LRCH3: variants seen among roughly 807,000 people sequenced by gnomAD.
The protein encoded by LRCH3 is leucine rich repeats and calponin homology domain containing 3.
A neutral mutation model predicts 104.5 loss-of-function variants in LRCH3; 68 were observed. That is an observed-to-expected ratio of 0.65 (90% CI 0.54 to 0.80). The LOEUF is 0.80. Ranked by LOEUF, LRCH3 falls within the 30% of genes least tolerant of loss-of-function variation. The pLI is 0.00. For missense variants in LRCH3, 951 were observed against 953.9 expected (o/e 1.00, Z 0.04); for synonymous variants, 344 against 361.3 (o/e 0.95, Z 0.54).
chr3:197,870,883 A>C (rs1712094222), intron 18 of LRCH3, among the ~76,000 whole-genome samples: 1 of 152,244 alleles, frequency 6.6e-6, no homozygotes, highest in Non-Finnish European at 1.5e-5. Flanking sequence ...TTAGAAAATG[A>C]GATAGATGGC....
At chr3:197,840,683 G>A (rs954148302) in intron 10 of LRCH3, among the ~76,000 whole-genome samples, 2 of 152,036 alleles carry the variant, frequency 1.3e-5, no homozygotes, top group Non-Finnish European at 2.9e-5. Flanking sequence ...AAGGTAACTC[G>A]GGGGACTGAG....
chr3:197,834,819 C>T (rs77569352), intron 8 of LRCH3, among the ~76,000 whole-genome samples: 2 of 152,284 alleles, frequency 1.3e-5, no homozygotes, highest in African/African-American at 4.8e-5. Flanking sequence ...TTTCTGGAGC[C>T]TATTTTTGTG....
chr3:197,837,797 A>G (rs767531822), intron 9 of LRCH3, among the ~76,000 whole-genome samples: 136 of 152,144 alleles, frequency 8.9e-4, no homozygotes, highest in Non-Finnish European at 1.7e-3. Context: ...CTGTAATCCC[A>G]GCACTGTGGG....
chr3:197,858,922 T>G lies in LRCH3; in HGVS notation c.1716+17T>G, dbSNP rs773892986. ...CCTCTTAAGGTATCTCTTGTTATTG[T>G]AATTCACCAGGAAGTTTGGGGAGGA... On this transcript the variant is annotated intron_variant, in intron 15 of 20. Coordinates refer to ENST00000425562, the MANE Select transcript of LRCH3 (RefSeq NM_001365715.1). 8.7e-5 allele frequency: 139 copies of G among 1,605,966 alleles called. 1 individual carries two copies. Among genetic ancestry groups the G allele is most frequent in the Non-Finnish European group, 1.2e-4 (136 of 1,172,668 alleles).
Position 197,829,643 on chromosome 3 carries a change from A to C in LRCH3, c.857A>C (p.Tyr286Ser). The change falls in exon 6 of 21, where the codon TAT becomes TCT. Residue 286 changes from tyrosine to serine, a missense_variant. Coordinates refer to ENST00000425562, the MANE Select transcript of LRCH3 (RefSeq NM_001365715.1). ...ACKIAPDLPD[Y>S]DRRPLGFGSC... ...AAGATTGCTCCAGATCTGCCGGATT[A>C]TGATAGGAGACCGTTGGGTTTTGGC... The C allele has an allele frequency of 6.2e-7, 1 of 1,613,300 alleles. No homozygotes were observed.
chr3:197,888,094 G>A lies in LRCH3; in HGVS notation c.*4428G>A, dbSNP rs986717895. Reference sequence around the variant, plus strand: ...CTCTTACTTTCTACAGCTCAGCAGTGACTAATGATGTGTGACTATGCGAAT... The same window carrying A: ...CTCTTACTTTCTACAGCTCAGCAGTAACTAATGATGTGTGACTATGCGAAT... On this transcript the variant is annotated 3_prime_UTR_variant, in exon 21 of 21. Transcript: ENST00000425562. 4 of 152,210 alleles carry A rather than the reference G, an allele frequency of 2.6e-5. No individual in the cohort carries two copies. The highest frequency in any genetic ancestry group is 6.5e-5 in the Admixed American group (1 of 15,286). 9.4% of individuals were successfully genotyped at this position (152,210 alleles called of 1,614,324 possible). A position where few individuals can be genotyped will look rare whatever the true frequency, so the allele number is the denominator to read the frequency against.
chr3:197,883,581 G>C lies in LRCH3; in HGVS notation c.2249G>C (p.Gly750Ala). ...CLPLHILEEK[G>A]LSQVAVTVQA... Reference sequence around the variant, plus strand: ...CCTCTCCACATTTTAGAAGAGAAAGGTTTGAGCCAGGTTGCAGTGACGGTC... The same window carrying C: ...CCTCTCCACATTTTAGAAGAGAAAGCTTTGAGCCAGGTTGCAGTGACGGTC... Residue 750 changes from glycine (G) to alanine (A), a missense_variant, in exon 21 of 21, where the codon GGT (glycine) becomes GCT (alanine). Transcript: ENST00000425562. The surrounding 1 kb of genome is among the most constrained non-coding windows in gnomAD (Gnocchi z 4.2). 6.5e-7 allele frequency: 1 copy of C among 1,536,058 alleles called. No individual in the cohort carries two copies. Among genetic ancestry groups the C allele is most frequent in the Non-Finnish European group, 8.7e-7 (1 of 1,146,890 alleles).
rs773620334 is a variant in LRCH3 at position 197,791,483 on chromosome 3, CTGAG to C, written c.206_209del (p.Leu69ArgfsTer12). 2 of 1,602,078 alleles carry C rather than the reference CTGAG, an allele frequency of 1.2e-6. No homozygotes were observed. On this transcript the variant is annotated frameshift_variant, in exon 1 of 21. Coordinates refer to ENST00000425562, the MANE Select transcript of LRCH3 (RefSeq NM_001365715.1). LOFTEE classifies it high-confidence loss of function. ...GGTGCTGAGCCTGAGCGGCCGGAAA[CTGAG>C]GGAGTTTCCCCGGGGAGCGGCCAAC...
At position 197,881,071 on chromosome 3, in the gene LRCH3, A is replaced by G. The variant is rs570438290; in HGVS notation, c.2209-2470A>G. 1.3e-5 allele frequency: 14 copies of G among 1,095,446 alleles called. No homozygotes were observed. The African/African-American group carries it at 2.1e-4, about 17-fold the overall frequency. 67.9% of individuals were successfully genotyped at this position (1,095,446 alleles called of 1,614,324 possible). On this transcript the variant is annotated intron_variant, in intron 20 of 20. Transcript: ENST00000425562. Reference sequence around the variant, plus strand: ...TAGAGCTTTATTTCCAAGTCACACAATACAACTCCCATCTGGCCATTTTTC... The same window carrying G: ...TAGAGCTTTATTTCCAAGTCACACAGTACAACTCCCATCTGGCCATTTTTC...
chr3:197,844,902 C>T (rs539841082), intron 10 of LRCH3, among the ~76,000 whole-genome samples: 52 of 152,136 alleles, frequency 3.4e-4, no homozygotes, highest in Non-Finnish European at 2.6e-4. Flanking sequence ...GGATTACAGG[C>T]GGGAGCCACT....
chr3:197,860,327 G>A (rs1740726338), intron 15 of LRCH3, among the ~76,000 whole-genome samples: 3 of 152,096 alleles, frequency 2.0e-5, no homozygotes, highest in South Asian at 2.1e-4. Context: ...TACTTTCCAC[G>A]TGTTGTATTC....
At chr3:197,839,804 C>A (rs1737520242) in intron 10 of LRCH3, among the ~76,000 whole-genome samples, 1 of 151,584 alleles carries the variant, frequency 6.6e-6, no homozygotes, top group Non-Finnish European at 1.5e-5. Context: ...TCATTCTACC[C>A]CTCTACAAAA....
At chr3:197,863,908 T>C (rs933403215) in intron 15 of LRCH3, among the ~76,000 whole-genome samples, 4 of 152,252 alleles carry the variant, frequency 2.6e-5, no homozygotes, top group Non-Finnish European at 5.9e-5. Context: ...AAATAAAATG[T>C]TGCTTTTTCT....
Position 197,882,358 on chromosome 3 carries a change from T to A in LRCH3, c.2209-1183T>A, listed in dbSNP as rs199780575. On this transcript the variant is annotated intron_variant, in intron 20 of 20. Transcript: ENST00000425562. ...CAAAGTATTTCTACAAAGTTGCTAG[T>A]TTTTTTAGATCAAAAGATTACAGTT... 4.3e-4 allele frequency: 419 copies of A among 984,684 alleles called. 1 individual carries two copies. In the African/African-American group the frequency reaches 6.4e-3, roughly 15 times the overall value. The allele number at this position is 984,684 out of a possible 1,614,324, so 61.0% of individuals were successfully genotyped here. A position where few individuals can be genotyped will look rare whatever the true frequency, so the allele number is the denominator to read the frequency against.
chr3:197,839,353 G>C lies in LRCH3; in HGVS notation c.1284G>C (p.Glu428Asp), dbSNP rs964540120. 2 of 1,593,942 alleles carry C rather than the reference G, an allele frequency of 1.3e-6. No individual in the cohort carries two copies. The highest frequency in any genetic ancestry group is 1.7e-6 in the Non-Finnish European group (2 of 1,174,128). ...CAGTAAAGCCAGTAGCCATTAGGGA[G>C]TTTCAAAAAACAGAAGATATGAGAA... The part of the protein sequence containing the change: ...GSPVKPVAIR[E>D]FQKTEDMRRY... Residue 428 changes from glutamate (E) to aspartate (D), a missense_variant, in exon 10 of 21, where the codon GAG (glutamate) becomes GAC (aspartate). Transcript: ENST00000425562.
At position 197,858,728 on chromosome 3, in the gene LRCH3, G is replaced by A. The variant is rs1294920502; in HGVS notation, c.1645-106G>A. 1.5e-5 allele frequency: 14 copies of A among 925,582 alleles called. 1 individual carries two copies. The highest frequency in any genetic ancestry group is 5.3e-5 in the Admixed American group (3 of 56,198). The allele number at this position is 925,582 out of a possible 1,614,324, so 57.3% of individuals were successfully genotyped here. On this transcript the variant is annotated intron_variant, in intron 14 of 20. Transcript: ENST00000425562. Reference sequence around the variant, plus strand: ...AGCTTAGTAAACCATTTGAAAGATCGTCAGTGACCTTTCCTTTTCTCATTT... The same window carrying A: ...AGCTTAGTAAACCATTTGAAAGATCATCAGTGACCTTTCCTTTTCTCATTT...
At chr3:197,870,700 C>T (rs1384077087) in intron 18 of LRCH3, among the ~76,000 whole-genome samples, 4 of 150,696 alleles carry the variant, frequency 2.7e-5, no homozygotes, top group East Asian at 1.9e-4. Context: ...GGATTGCAGG[C>T]GTGAGCTTCC....
chr3:197,835,015 A>G lies in LRCH3; in HGVS notation c.1103-659A>G, dbSNP rs1013933412. Reference sequence around the variant, plus strand: ...AAAAGTTAGCCGGGCGTGGTGGTGCACACCTGTAATCCCAGCTACTTGGGA... The same window carrying G: ...AAAAGTTAGCCGGGCGTGGTGGTGCGCACCTGTAATCCCAGCTACTTGGGA... On this transcript the variant is annotated intron_variant, in intron 8 of 20. Transcript: ENST00000425562. Among the ~76,000 whole-genome samples, 68 of 152,128 alleles carry G rather than the reference A, an allele frequency of 4.5e-4. No individual in the cohort carries two copies. The South Asian group carries it at 6.0e-3, about 14-fold the overall frequency.
At chr3:197,791,226 G>T, upstream of LRCH3, 5 of 1,582,896 alleles carry the variant, frequency 3.2e-6, no homozygotes, top group South Asian at 2.3e-5. Context: ...CCCACCCAGC[G>T]GTCCGGCCGC....
Sources: allele counts gnomAD v4.1 joint callset (sites outside exome capture counted in the v4.1 genomes callset), GRCh38; gene constraint gnomAD v4.1.1; non-coding constraint Gnocchi (gnomAD v3.1); transcripts MANE v1.5; gene names NCBI Gene and HGNC (gene_info 2026-07-23, HGNC 2026-07-21).